FHIT: variants seen among roughly 807,000 people sequenced by gnomAD.
FHIT encodes the protein bis(5'-adenosyl)-triphosphatase.
Under a neutral mutation model 17.9 loss-of-function variants are expected in FHIT, and 19 were observed. That is an observed-to-expected ratio of 1.06 (90% confidence interval 0.74 to 1.56). The LOEUF is 1.56. Ranked by LOEUF, FHIT falls within the 40% of genes most tolerant of loss-of-function variation. FHIT has a pLI of 0.00. For synonymous variants in FHIT, 81 were observed against 69.7 expected, an observed-to-expected ratio of 1.16 and a Z score of -0.81; for missense variants, 248 against 189.2, an observed-to-expected ratio of 1.31 and a Z score of -1.82.
chr3:61,088,121 C>G (rs796784006), intron 2 of FHIT, among the ~76,000 whole-genome samples: 98 of 152,258 alleles, frequency 6.4e-4, no homozygotes, highest in African/African-American at 2.2e-3. Flanking sequence ...CTAGATCACT[C>G]ATCTCTGCCC....
chr3:60,004,229 G>A (rs757204955), intron 7 of FHIT, among the ~76,000 whole-genome samples: 1 of 152,106 alleles, frequency 6.6e-6, no homozygotes, highest in Non-Finnish European at 1.5e-5. Flanking sequence ...TACAGGCTCT[G>A]AGCCTCAGGT....
At chr3:59,864,273 C>G (rs1248765321) in intron 8 of FHIT, among the ~76,000 whole-genome samples, 4 of 152,098 alleles carry the variant, frequency 2.6e-5, no homozygotes, top group African/African-American at 7.2e-5. Flanking sequence ...GGGGGCTGGT[C>G]TGGCCCACGC....
At chr3:60,439,829 G>T (rs980985185) in intron 5 of FHIT, among the ~76,000 whole-genome samples, 2 of 152,112 alleles carry the variant, frequency 1.3e-5, no homozygotes, top group Non-Finnish European at 1.5e-5. Flanking sequence ...AGATGCAAGT[G>T]TCTTTGGGCT....
At chr3:61,212,844 C>T (rs2039529828) in intron 1 of FHIT, among the ~76,000 whole-genome samples, 1 of 152,098 alleles carries the variant, frequency 6.6e-6, no homozygotes, top group Admixed American at 6.6e-5. Flanking sequence ...TGGAGGAGGC[C>T]CATATTCAAC....
At chr3:60,221,410 C>A (rs1182946675) in intron 5 of FHIT, among the ~76,000 whole-genome samples, 1 of 152,146 alleles carries the variant, frequency 6.6e-6, no homozygotes, top group East Asian at 1.9e-4. Flanking sequence ...GTTCCCTTAA[C>A]AGAGATGCCT....
intron 4 of FHIT, among the ~76,000 whole-genome samples, chr3:60,781,204 T>G (rs1232960579): frequency 6.6e-6 from 1 of 152,172 alleles, no homozygotes; most frequent in Admixed American, 6.5e-5. Flanking sequence ...AAAATAGTAG[T>G]GTTGCTGACT....
intron 4 of FHIT, among the ~76,000 whole-genome samples, chr3:60,668,649 C>T (rs2040439207): frequency 6.6e-6 from 1 of 150,872 alleles, no homozygotes; most frequent in Non-Finnish European, 1.5e-5. Flanking sequence ...GCAAGCTCCG[C>T]CTCCCAGGTT....
intron 4 of FHIT, among the ~76,000 whole-genome samples, chr3:60,544,816 C>G (rs374531467): frequency 6.6e-6 from 1 of 152,008 alleles, no homozygotes; most frequent in Admixed American, 6.6e-5. Context: ...AGGCTGGTCT[C>G]GAACTCCTAA....
chr3:60,011,619 C>T (rs1575880115), intron 6 of FHIT, among the ~76,000 whole-genome samples: 1 of 152,194 alleles, frequency 6.6e-6, no homozygotes, highest in Non-Finnish European at 1.5e-5. Flanking sequence ...TATAAATTAT[C>T]CAGCAAGCCA....
chr3:61,179,380 C>T (rs898633775), intron 2 of FHIT, among the ~76,000 whole-genome samples: 3 of 152,010 alleles, frequency 2.0e-5, no homozygotes, highest in Non-Finnish European at 4.4e-5. Flanking sequence ...AAATATGCCA[C>T]ACACAAAGAA....
At chr3:60,938,738 C>A (rs1040209846) in intron 3 of FHIT, among the ~76,000 whole-genome samples, 1 of 152,114 alleles carries the variant, frequency 6.6e-6, no homozygotes, top group Admixed American at 6.5e-5. Context: ...ACAGAAATGG[C>A]CTTGCCAATA....
In FHIT at chr3:60,458,649, T is replaced by A. The variant is rs113785587; in HGVS notation, c.103+78211A>T. 2.9e-3 allele frequency among the ~76,000 whole-genome samples: 440 copies of A among 152,176 alleles called. 3 individuals carry two copies. The highest frequency in any genetic ancestry group is 0.01 in the African/African-American group (421 of 41,494). On this transcript the variant is annotated intron_variant, in intron 5 of 9. Transcript: ENST00000492590. Reference sequence around the variant, plus strand: ...ATTTCAGGCAAAGGTACCCAGTAGCTTTAGGTTTTTATGCCCATCTGCTTT... The same window carrying A: ...ATTTCAGGCAAAGGTACCCAGTAGCATTAGGTTTTTATGCCCATCTGCTTT...
At chr3:60,704,080 G>A (rs538485001) in intron 4 of FHIT, among the ~76,000 whole-genome samples, 37 of 152,146 alleles carry the variant, frequency 2.4e-4, no homozygotes, top group East Asian at 9.7e-4. Flanking sequence ...CCTCCCACAC[G>A]ACTACATATG....
chr3:61,209,617 T>C (rs1311059871), intron 1 of FHIT, among the ~76,000 whole-genome samples: 2 of 152,234 alleles, frequency 1.3e-5, no homozygotes, highest in Admixed American at 6.5e-5. Flanking sequence ...CTACTGAGGC[T>C]TGTGCGTTCG....
At chr3:61,100,224 C>A (rs569485081) in intron 2 of FHIT, among the ~76,000 whole-genome samples, 1 of 152,094 alleles carries the variant, frequency 6.6e-6, no homozygotes, top group African/African-American at 2.4e-5. Flanking sequence ...CCACACCCCC[C>A]GACAGGACCC....
Position 60,035,874 on chromosome 3 carries a change from T to C in FHIT, c.104-21722A>G, listed in dbSNP as rs74783047. On this transcript the variant is annotated intron_variant, in intron 5 of 9. Coordinates refer to ENST00000492590, the MANE Select transcript of FHIT (RefSeq NM_002012.4). Reference sequence around the variant, plus strand: ...CAATAGGTTAAGCTAGGTGTTGCTATGATAACAAGCAGTCCCAGCATTTCA... The same window carrying C: ...CAATAGGTTAAGCTAGGTGTTGCTACGATAACAAGCAGTCCCAGCATTTCA... Among the ~76,000 whole-genome samples the C allele has an allele frequency of 5.6e-3, 857 of 152,274 alleles. 5 individuals are homozygous for C. The highest frequency in any genetic ancestry group is 0.019 in the African/African-American group (806 of 41,582).
At chr3:60,224,782 G>T (rs888661135) in intron 5 of FHIT, among the ~76,000 whole-genome samples, 1 of 151,748 alleles carries the variant, frequency 6.6e-6, no homozygotes, top group Non-Finnish European at 1.5e-5. Flanking sequence ...CTGGAGTGCA[G>T]TGTGTGGTCT....
At chr3:60,601,678 G>A (rs1202890478) in intron 4 of FHIT, among the ~76,000 whole-genome samples, 4 of 152,138 alleles carry the variant, frequency 2.6e-5, no homozygotes, top group African/African-American at 9.7e-5. Context: ...GGGAATGGCA[G>A]AAAGAAAATA....
At chr3:59,750,981 C>G (rs1360216281) in intron 9 of FHIT, 1 of 185,232 alleles carries the variant, frequency 5.4e-6, no homozygotes, top group Non-Finnish European at 1.1e-5. Context: ...TATTTATTCA[C>G]AGGTCAGATG....
Sources: allele counts gnomAD v4.1 joint callset (sites outside exome capture counted in the v4.1 genomes callset), GRCh38; gene constraint gnomAD v4.1.1; transcripts MANE v1.5; gene names NCBI Gene and HGNC (gene_info 2026-07-23, HGNC 2026-07-21).